NEK7: variants seen among roughly 807,000 people sequenced by gnomAD.
The protein encoded by NEK7 is serine/threonine-protein kinase Nek7.
In NEK7, 18 loss-of-function variants were observed where a neutral mutation model predicts 44.6. That is an observed-to-expected ratio of 0.40 (90% CI 0.28 to 0.60). NEK7 has a LOEUF of 0.60. Among genes scored for constraint, NEK7 ranks in the 20% least tolerant of loss-of-function variants. The pLI is 0.38. For synonymous variants in NEK7, 130 were observed against 121.1 expected, an observed-to-expected ratio of 1.07 and a Z score of -0.48; for missense variants, 256 against 366.5, an observed-to-expected ratio of 0.70 and a Z score of 2.46.
intron 2 of NEK7, among the ~76,000 whole-genome samples, chr1:198,235,586 T>G (rs896380736): frequency 1.3e-5 from 2 of 152,216 alleles, no homozygotes; most frequent in Non-Finnish European, 2.9e-5. Flanking sequence ...TTTTTACTCT[T>G]TACTGTAAGA....
At chr1:198,286,871 C>T (rs1274299882) in intron 7 of NEK7, among the ~76,000 whole-genome samples, 1 of 152,164 alleles carries the variant, frequency 6.6e-6, no homozygotes, top group East Asian at 1.9e-4. Flanking sequence ...CTTCCTTCCT[C>T]CCTTTTAAAA....
At chr1:198,309,968 A>G (rs1360816402) in intron 9 of NEK7, among the ~76,000 whole-genome samples, 1 of 152,000 alleles carries the variant, frequency 6.6e-6, no homozygotes, top group Non-Finnish European at 1.5e-5. Context: ...CAGTAATGGG[A>G]TGGCTGGGTC....
intron 1 of NEK7, among the ~76,000 whole-genome samples, chr1:198,176,047 C>T (rs541511011): frequency 2.6e-5 from 4 of 152,162 alleles, no homozygotes; most frequent in East Asian, 1.9e-4. Context: ...TGTCTTTAAT[C>T]GAAAGCAGGT....
At chr1:198,259,794 C>T (rs1231930509) in intron 3 of NEK7, among the ~76,000 whole-genome samples, 3 of 149,850 alleles carry the variant, frequency 2.0e-5, no homozygotes, top group East Asian at 2.0e-4. Flanking sequence ...CAAGAACTTT[C>T]GATTTTACAC....
Position 198,314,512 on chromosome 1 carries a change from CT to C in NEK7, c.799-4895del, listed in dbSNP as rs1293166396. The stretch of plus-strand genomic sequence containing the variant: ...CCTTTGGAGGAGGAGAGGCGCTCTG[CT>C]TTTTAGAGTTTCCAGTTTTTCTGCT... On this transcript the variant is annotated intron_variant, in intron 9 of 9. Coordinates refer to ENST00000367385, the MANE Select transcript of NEK7 (RefSeq NM_133494.3). Among the ~76,000 whole-genome samples the C allele has an allele frequency of 2.0e-5, 3 of 152,262 alleles. No individual in the cohort carries two copies. The East Asian group carries it at 5.8e-4, about 29-fold the overall frequency.
At chr1:198,190,018 C>A (rs1312502102) in intron 1 of NEK7, among the ~76,000 whole-genome samples, 4 of 152,012 alleles carry the variant, frequency 2.6e-5, no homozygotes, top group African/African-American at 9.7e-5. Flanking sequence ...TTGAATAATT[C>A]TTTCCTATAC....
At chr1:198,313,221 G>A (rs1285046481) in intron 9 of NEK7, among the ~76,000 whole-genome samples, 1 of 152,064 alleles carries the variant, frequency 6.6e-6, no homozygotes, top group African/African-American at 2.4e-5. Flanking sequence ...TTTGATCTTT[G>A]TTGGTTTAAA....
At chr1:198,315,118 G>A (rs1655320749) in intron 9 of NEK7, among the ~76,000 whole-genome samples, 1 of 152,226 alleles carries the variant, frequency 6.6e-6, no homozygotes, top group African/African-American at 2.4e-5. Flanking sequence ...CGAGCCAGAT[G>A]CGGGATATAG....
rs1431701051 is a variant in NEK7 at position 198,207,620 on chromosome 1, T to A, written c.-28-24933T>A. On this transcript the variant is annotated intron_variant, in intron 1 of 9. Coordinates refer to ENST00000367385, the MANE Select transcript of NEK7 (RefSeq NM_133494.3). ...TTCAAAAGGCTTCATTTATATGATA[T>A]CCTAGAAAAGATAAAACTATAGGGA... 2.6e-5 allele frequency among the ~76,000 whole-genome samples: 4 copies of A among 152,176 alleles called. No homozygotes were observed. The East Asian group carries it at 7.7e-4, about 29-fold the overall frequency.
At chr1:198,257,173 T>C (rs1303371249) in intron 3 of NEK7, among the ~76,000 whole-genome samples, 2 of 152,186 alleles carry the variant, frequency 1.3e-5, no homozygotes, top group African/African-American at 2.4e-5. Context: ...AAAGCTAAAA[T>C]AATACTTTAT....
chr1:198,269,181 C>T (rs1653756832), intron 5 of NEK7, among the ~76,000 whole-genome samples: 2 of 152,070 alleles, frequency 1.3e-5, no homozygotes, highest in African/African-American at 4.8e-5. Flanking sequence ...TAGCTCATAG[C>T]ACCAACTTCA....
In NEK7 at chr1:198,204,485, C is replaced by T. The variant is rs182709983; in HGVS notation, c.-28-28068C>T. Among the ~76,000 whole-genome samples the T allele has an allele frequency of 2.7e-3, 415 of 152,020 alleles. 2 individuals are homozygous for T. Among genetic ancestry groups the T allele is most frequent in the African/African-American group, 7.1e-3 (293 of 41,508 alleles). On this transcript the variant is annotated intron_variant, in intron 1 of 9. Coordinates refer to ENST00000367385, the MANE Select transcript of NEK7 (RefSeq NM_133494.3). ...CTGTAATCCCAGCACTTTGGGAGGC[C>T]GAGGCAGGCGGATCACGAGGTCGGG...
At chr1:198,232,871 T>A (rs1295342154) in intron 2 of NEK7, among the ~76,000 whole-genome samples, 1 of 151,762 alleles carries the variant, frequency 6.6e-6, no homozygotes. Flanking sequence ...ATATAATTAT[T>A]TATGTGTAAT....
At chr1:198,267,706 G>T (rs966565346) in intron 5 of NEK7, among the ~76,000 whole-genome samples, 10 of 152,026 alleles carry the variant, frequency 6.6e-5, no homozygotes, top group Non-Finnish European at 1.3e-4. Flanking sequence ...GCCTCCCAAA[G>T]TGCTGGGATT....
In NEK7 at chr1:198,195,417, C is replaced by T. The variant is rs1665200695; in HGVS notation, c.-28-37136C>T. Among the ~76,000 whole-genome samples the T allele has an allele frequency of 2.0e-5, 3 of 152,252 alleles. No homozygotes were observed. The East Asian group carries it at 5.8e-4, about 29-fold the overall frequency. On this transcript the variant is annotated intron_variant, in intron 1 of 9. Transcript: ENST00000367385. ...TTATGGATGCTTATTCTAGAGGATT[C>T]TAGAAAATACCCATTTAACCATATA...
intron 7 of NEK7, among the ~76,000 whole-genome samples, chr1:198,288,557 T>A (rs1654451271): frequency 6.6e-6 from 1 of 152,210 alleles, no homozygotes; most frequent in Non-Finnish European, 1.5e-5. Context: ...ACTACTTAGG[T>A]TTGAATTCCA....
intron 9 of NEK7, among the ~76,000 whole-genome samples, chr1:198,299,658 A>G (rs1021525903): frequency 3.0e-4 from 45 of 152,238 alleles, no homozygotes; most frequent in African/African-American, 9.4e-4. Flanking sequence ...GTATGTATTT[A>G]TGAGCTTACC....
chr1:198,249,422 G>C (rs1652829928), intron 2 of NEK7, among the ~76,000 whole-genome samples: 3 of 151,506 alleles, frequency 2.0e-5, no homozygotes, highest in Non-Finnish European at 3.0e-5. Flanking sequence ...GGGATGGCTG[G>C]GTCAAATGGT....
intron 9 of NEK7, among the ~76,000 whole-genome samples, chr1:198,307,285 A>G (rs1655046920): frequency 6.6e-6 from 1 of 152,136 alleles, no homozygotes; most frequent in African/African-American, 2.4e-5. Context: ...GTAATGTACT[A>G]AGCAGTGTCT....
Sources: gnomAD v4.1 joint callset for allele counts (sites outside exome capture counted in the v4.1 genomes callset) on GRCh38, gnomAD v4.1.1 for gene constraint, MANE v1.5 for transcripts, NCBI Gene and HGNC (gene_info 2026-07-23, HGNC 2026-07-21) for gene names.